Variants in PAH observed in about 807,000 individuals in gnomAD.
PAH encodes phenylalanine hydroxylase, also known as phenylalanine-4-hydroxylase.
A neutral mutation model predicts 62.0 loss-of-function variants in PAH; 64 were observed. The ratio of observed to expected loss-of-function variants is 1.03; its 90% CI spans 0.84 to 1.27. PAH has a LOEUF of 1.27. Ranked by LOEUF, PAH falls within the 50% of genes most tolerant of loss-of-function variation. The pLI is 0.00. For missense variants in PAH, 579 were observed against 542.8 expected (o/e 1.07, Z -0.66); for synonymous variants, 195 against 196.2 (o/e 0.99, Z 0.05).
intron 1 of PAH, among the ~76,000 whole-genome samples, chr12:102,942,701 C>G (rs1405177590): frequency 6.6e-6 from 1 of 152,106 alleles, no homozygotes; most frequent in South Asian, 2.1e-4. Context: ...CAGCATGGTA[C>G]TGTTACAAAA....
At chr12:102,893,415 A>C (rs1032463639) in intron 3 of PAH, among the ~76,000 whole-genome samples, 3 of 151,656 alleles carry the variant, frequency 2.0e-5, no homozygotes, top group African/African-American at 7.2e-5. Context: ...AATAAAAATA[A>C]AAATAAAAAA....
At chr12:102,925,217 T>G (rs539175824) in intron 1 of PAH, among the ~76,000 whole-genome samples, 2 of 152,320 alleles carry the variant, frequency 1.3e-5, no homozygotes, top group Admixed American at 1.3e-4. Flanking sequence ...AGGCACACCC[T>G]TCTCCTTTTA....
chr12:102,847,737 C>G (rs543419164), intron 8 of PAH, among the ~76,000 whole-genome samples: 69 of 152,066 alleles, frequency 4.5e-4, no homozygotes, highest in Non-Finnish European at 7.9e-4. Context: ...GGGGAGACTT[C>G]AATTTTAAAT....
At chr12:102,918,446 A>AAAATAAAT (rs769625900), upstream of PAH, among the ~76,000 whole-genome samples, 1 of 127,840 alleles carries the variant, frequency 7.8e-6, no homozygotes, top group Non-Finnish European at 1.6e-5. Context: ...CAAGCATCTG[A>AAAATAAAT]AAATAAATAA....
intron 4 of PAH, among the ~76,000 whole-genome samples, chr12:102,871,031 T>C (rs1876294896): frequency 6.6e-6 from 1 of 152,234 alleles, no homozygotes; most frequent in African/African-American, 2.4e-5. Context: ...TCCTTCCTAC[T>C]TCATTCTCAC....
intron 4 of PAH, among the ~76,000 whole-genome samples, chr12:102,869,312 T>C (rs1483478658): frequency 6.6e-6 from 1 of 152,212 alleles, no homozygotes; most frequent in African/African-American, 2.4e-5. Flanking sequence ...ATGTCAATTA[T>C]GTCATATATC....
chr12:102,906,341 A>G (rs1480800532), intron 2 of PAH, among the ~76,000 whole-genome samples: 1 of 152,224 alleles, frequency 6.6e-6, no homozygotes, highest in Non-Finnish European at 1.5e-5. Context: ...TCCTACGACC[A>G]GATTCCACTT....
At chr12:102,930,825 T>A (rs1262058762) in intron 1 of PAH, among the ~76,000 whole-genome samples, 1 of 152,242 alleles carries the variant, frequency 6.6e-6, no homozygotes, top group East Asian at 1.9e-4. Context: ...GTGAAATCAA[T>A]GTATGAGAAT....
intron 9 of PAH, 126 bp from the exon 10 acceptor site, chr12:102,844,557 G>A (rs1168355770): frequency 4.3e-6 from 3 of 705,684 alleles, no homozygotes; most frequent in Non-Finnish European, 7.6e-6. Context: ...ATGTCTATGA[G>A]GGTGTTTCTG....
chr12:102,903,811 A>C (rs1359280969), intron 2 of PAH, among the ~76,000 whole-genome samples: 1 of 152,166 alleles, frequency 6.6e-6, no homozygotes, highest in African/African-American at 2.4e-5. Flanking sequence ...CTTGGAGCTC[A>C]GAGCTCTGTA....
intron 1 of PAH, among the ~76,000 whole-genome samples, chr12:102,933,808 A>G (rs73173955): frequency 0.15 from 22,676 of 151,880 alleles, 2,298 homozygotes; most frequent in African/African-American, 0.26. Context: ...AATTTTTCCC[A>G]TACAATTGTT....
chr12:102,874,765 C>T (rs1876493231), intron 4 of PAH, among the ~76,000 whole-genome samples: 1 of 152,174 alleles, frequency 6.6e-6, no homozygotes. Context: ...TTTCATTTTC[C>T]CACTTAGCTA....
chr12:102,909,725 A>G (rs1033089979), intron 2 of PAH, among the ~76,000 whole-genome samples: 1 of 152,196 alleles, frequency 6.6e-6, no homozygotes, highest in Non-Finnish European at 1.5e-5. Context: ...TTGGGAGGCC[A>G]AGGCAGGCAG....
intron 3 of PAH, among the ~76,000 whole-genome samples, chr12:102,878,193 A>G (rs1298986095): frequency 1.3e-5 from 2 of 152,200 alleles, no homozygotes; most frequent in Admixed American, 6.5e-5. Flanking sequence ...TCTACTGTAA[A>G]TGAGCTCATG....
intron 1 of PAH, among the ~76,000 whole-genome samples, chr12:102,937,566 T>G (rs1593000484): frequency 6.6e-6 from 1 of 152,336 alleles, no homozygotes; most frequent in Non-Finnish European, 1.5e-5. Flanking sequence ...ACTTTAACTT[T>G]GTTGCCCTGA....
intron 3 of PAH, among the ~76,000 whole-genome samples, chr12:102,885,306 G>A (rs1876986788): frequency 6.6e-6 from 1 of 152,196 alleles, no homozygotes; most frequent in African/African-American, 2.4e-5. Flanking sequence ...CTCTCACAAA[G>A]CTGGAAATAG....
At chr12:102,881,328 T>C (rs761806911) in intron 3 of PAH, among the ~76,000 whole-genome samples, 2 of 151,086 alleles carry the variant, frequency 1.3e-5, no homozygotes, top group African/African-American at 4.8e-5. Context: ...ATATATTTTA[T>C]ATAACACATA....
chr12:102,855,161 C>T lies in PAH; in HGVS notation c.681G>A (p.Leu227=), dbSNP rs182135145. 24 of 1,614,106 alleles carry T rather than the reference C, an allele frequency of 1.5e-5. No individual in the cohort carries two copies. The African/African-American group carries it at 2.8e-4, about 19-fold the overall frequency. Reference sequence around the variant, plus strand: ...TCTGCAGGAACTGAGAAACGTCTTCCAGCTGGGGAATGTTATCTTCATGGA... The same window carrying T: ...TCTGCAGGAACTGAGAAACGTCTTCTAGCTGGGGAATGTTATCTTCATGGA... ...CGFHEDNIPQ[L]EDVSQFLQTC... Residue 227 remains leucine, a synonymous_variant, in exon 6 of 13, where the codon CTG becomes CTA. Coordinates refer to ENST00000553106, the MANE Select transcript of PAH (RefSeq NM_000277.3).
At chr12:102,917,847 TG>T (rs1276499834), upstream of PAH, among the ~76,000 whole-genome samples, 8 of 152,378 alleles carry the variant, frequency 5.3e-5, no homozygotes, top group African/African-American at 1.9e-4. Context: ...GCCACCTTGC[TG>T]GAAGGTTTTA....
Sources: allele counts gnomAD v4.1 joint callset (sites outside exome capture counted in the v4.1 genomes callset), GRCh38; gene constraint gnomAD v4.1.1; transcripts MANE v1.5; gene names NCBI Gene and HGNC (gene_info 2026-07-23, HGNC 2026-07-21).